The following SLIT2 variants were observed in gnomAD, a reference collection of about 807,000 sequenced individuals.
SLIT2 encodes the protein slit guidance ligand 2.
SLIT2 carries 41 observed loss-of-function variants against 185.7 expected under a neutral mutation model. The ratio of observed to expected loss-of-function variants is 0.22; its 90% confidence interval spans 0.17 to 0.29. The LOEUF (loss-of-function observed/expected upper bound fraction) is 0.29. Among genes scored for constraint, SLIT2 ranks in the 10% least tolerant of loss-of-function variants. The pLI, the probability that SLIT2 is intolerant of heterozygous loss-of-function variation, is 1.00. For synonymous variants in SLIT2, 693 were observed against 680.2 expected (o/e 1.02, Z -0.29); for missense variants, 1,571 against 1,909.0 (o/e 0.82, Z 3.30).
chr4:20,497,226 A>C (rs1243873051), intron 9 of SLIT2, among the ~76,000 whole-genome samples: 1 of 150,238 alleles, frequency 6.7e-6, no homozygotes, highest in Non-Finnish European at 1.5e-5. Flanking sequence ...CAAATCTTTC[A>C]AAGACTGAGA....
chr4:20,541,674 T>C lies in SLIT2; in HGVS notation c.2143+55T>C. On this transcript the variant is annotated intron_variant, in intron 20 of 36. Transcript: ENST00000504154. Reference sequence around the variant, plus strand: ...TCAGGCATTCACATGCCTGTTCTGATGCAGCTTTGCACAAATCTACAGCAT... The same window carrying C: ...TCAGGCATTCACATGCCTGTTCTGACGCAGCTTTGCACAAATCTACAGCAT... 3 of 1,423,388 alleles carry C rather than the reference T, an allele frequency of 2.1e-6. No homozygotes were observed. In the East Asian group the frequency reaches 6.8e-5, roughly 32 times the overall value. 88.2% of individuals were successfully genotyped at this position (1,423,388 alleles called of 1,614,324 possible). A position where few individuals can be genotyped will look rare whatever the true frequency, so the allele number is the denominator to read the frequency against.
chr4:20,415,241 C>A (rs1727560432), intron 4 of SLIT2, among the ~76,000 whole-genome samples: 1 of 151,996 alleles, frequency 6.6e-6, no homozygotes, highest in Admixed American at 6.5e-5. Flanking sequence ...GAAACCCCGT[C>A]TCTACTAAAA....
intron 4 of SLIT2, among the ~76,000 whole-genome samples, chr4:20,467,529 C>A (rs999108744): frequency 1.3e-5 from 2 of 151,840 alleles, no homozygotes. Flanking sequence ...AATTAAAGAT[C>A]TAGAAGCATA....
At chr4:20,581,776 C>G (rs1391292085) in intron 29 of SLIT2, among the ~76,000 whole-genome samples, 1 of 152,084 alleles carries the variant, frequency 6.6e-6, no homozygotes, top group African/African-American at 2.4e-5. Flanking sequence ...GAATTTCGCT[C>G]TTCATTGCCC....
chr4:20,525,255 G>C, intron 15 of SLIT2, 83 bp downstream of exon 15: 1 of 986,936 alleles, frequency 1.0e-6, no homozygotes, highest in Non-Finnish European at 1.6e-6. Context: ...TGATATGCAT[G>C]CTTCTGAAAG....
Position 20,524,040 on chromosome 4 carries a change from G to A in SLIT2, c.1301G>A (p.Cys434Tyr), listed in dbSNP as rs1721067996. The change falls in exon 14 of 37, where the codon TGT becomes TAT. Residue 434 changes from cysteine to tyrosine, a missense_variant. Around this residue, in one of 3 missense-constraint regions of SLIT2, gnomAD observed 1,202 missense variants for 1,416.4 expected, o/e 0.85. Transcript: ENST00000504154. ...CATTTGGCCCAGAACCCCTTTATTT[G>A]TGACTGCCATCTCAAGTGGCTAGCG... ...TMHLAQNPFI[C>Y]DCHLKWLADY... The A allele has an allele frequency of 6.2e-7, 1 of 1,614,008 alleles. No homozygotes were observed. The highest frequency in any genetic ancestry group is 8.5e-7 in the Non-Finnish European group (1 of 1,180,018).
chr4:20,318,262 C>T (rs558082617), intron 4 of SLIT2, among the ~76,000 whole-genome samples: 1 of 152,300 alleles, frequency 6.6e-6, no homozygotes, highest in African/African-American at 2.4e-5. Flanking sequence ...ATTAACCCTT[C>T]TCTGCTAATG....
intron 4 of SLIT2, among the ~76,000 whole-genome samples, chr4:20,359,278 A>G (rs35861139): frequency 0.27 from 40,791 of 151,874 alleles, 5,842 homozygotes; most frequent in East Asian, 0.45. Context: ...AGTTGGTGAA[A>G]AAACACAGAT....
intron 4 of SLIT2, among the ~76,000 whole-genome samples, chr4:20,280,126 G>T (rs2109053435): frequency 6.6e-6 from 1 of 152,088 alleles, no homozygotes; most frequent in East Asian, 1.9e-4. Context: ...GAGGTCAGGA[G>T]ATCCAGACCA....
intron 4 of SLIT2, among the ~76,000 whole-genome samples, chr4:20,324,348 T>C (rs985573330): frequency 1.4e-5 from 2 of 139,950 alleles, no homozygotes; most frequent in African/African-American, 6.2e-5. Context: ...GAGGTGCTGA[T>C]GTTGTATTGG....
intron 4 of SLIT2, 37 bp downstream of exon 4, chr4:20,268,918 G>A (rs748247586): frequency 9.0e-6 from 11 of 1,227,834 alleles, no homozygotes; most frequent in Admixed American, 5.1e-5. Flanking sequence ...GCTTTGGGTA[G>A]TACCTTGTGT....
At chr4:20,364,258 A>C in intron 4 of SLIT2, 2 of 985,198 alleles carry the variant, frequency 2.0e-6, no homozygotes, top group Non-Finnish European at 2.4e-6. Flanking sequence ...AGCTTTCTGC[A>C]TCCTTTCTGC....
At chr4:20,303,822 C>A (rs932283673) in intron 4 of SLIT2, among the ~76,000 whole-genome samples, 3 of 152,042 alleles carry the variant, frequency 2.0e-5, no homozygotes, top group African/African-American at 7.3e-5. Flanking sequence ...GAAGAATATT[C>A]CAGCTAGATG....
intron 4 of SLIT2, among the ~76,000 whole-genome samples, chr4:20,311,780 T>G: frequency 6.6e-6 from 1 of 152,342 alleles, no homozygotes; most frequent in South Asian, 2.1e-4. Context: ...GTTTGAAATA[T>G]ACTCTATTAA....
At chr4:20,433,281 G>A (rs1729120575) in intron 4 of SLIT2, among the ~76,000 whole-genome samples, 1 of 152,204 alleles carries the variant, frequency 6.6e-6, no homozygotes, top group East Asian at 1.9e-4. Context: ...ACACAACAGA[G>A]GTGGCCTTTC....
At chr4:20,536,903 A>G (rs569478171) in intron 18 of SLIT2, among the ~76,000 whole-genome samples, 12 of 152,316 alleles carry the variant, frequency 7.9e-5, no homozygotes, top group Middle Eastern at 3.4e-3. Context: ...ACAAACACAT[A>G]CATTAGCCTA....
At chr4:20,376,048 A>G (rs1723989049) in intron 4 of SLIT2, among the ~76,000 whole-genome samples, 1 of 151,724 alleles carries the variant, frequency 6.6e-6, no homozygotes, top group African/African-American at 2.4e-5. Flanking sequence ...AACATAAATA[A>G]CATATCTATA....
intron 4 of SLIT2, among the ~76,000 whole-genome samples, chr4:20,278,830 G>T (rs1407493901): frequency 3.4e-5 from 5 of 147,790 alleles, no homozygotes; most frequent in Non-Finnish European, 7.5e-5. Context: ...GGGGGAGGGC[G>T]TGTGGAGGGG....
intron 9 of SLIT2, among the ~76,000 whole-genome samples, chr4:20,498,078 C>G (rs1445554928): frequency 6.6e-6 from 1 of 152,100 alleles, no homozygotes; most frequent in East Asian, 1.9e-4. Context: ...GAGGCTGAGG[C>G]AGGAGAATTG....
Sources: gnomAD v4.1 joint callset for allele counts (sites outside exome capture counted in the v4.1 genomes callset) on GRCh38, gnomAD v4.1.1 for gene constraint, gnomAD v4.1.1 regional missense constraint, MANE v1.5 for transcripts, NCBI Gene and HGNC (gene_info 2026-07-23, HGNC 2026-07-21) for gene names.